Variants in CEP104 observed in about 807,000 individuals in gnomAD.
CEP104 encodes centrosomal protein 104.
CEP104 carries 84 observed loss-of-function variants against 113.3 expected under a neutral mutation model. That is an observed-to-expected ratio of 0.74 (90% CI 0.62 to 0.89). CEP104 has a LOEUF of 0.89. CEP104 is among the 40% of genes least tolerant of loss of function. CEP104 has a pLI of 0.00. For missense variants in CEP104, 1,053 were observed against 1,156.6 expected (o/e 0.91, Z 1.30); for synonymous variants, 378 against 421.7 (o/e 0.90, Z 1.27).
At chr1:3,828,369 G>A (rs529021912) in intron 15 of CEP104, among the ~76,000 whole-genome samples, 11 of 152,230 alleles carry the variant, frequency 7.2e-5, no homozygotes, top group Admixed American at 5.9e-4. Flanking sequence ...GCCTCCTTCC[G>A]CCTCCTGTGT....
In CEP104 at chr1:3,836,468, G is replaced by GTT. The variant is rs36051675; in HGVS notation, c.1317+25_1317+26dup. On this transcript the variant is annotated intron_variant, in intron 10 of 21. Transcript: ENST00000378230. ...AGACTAGCCTCCCCTCTGCCACCCCGTTTTTTTTTTTTTTTTTTTTTTTTA... is the reference window on the plus strand; with the variant it reads ...AGACTAGCCTCCCCTCTGCCACCCCGTTTTTTTTTTTTTTTTTTTTTTTTTTA... 103,795 of 971,514 alleles carry GTT rather than the reference G, an allele frequency of 0.11. 831 individuals are homozygous for GTT. The highest frequency in any genetic ancestry group is 0.13 in the African/African-American group (5,166 of 39,700). 60.2% of individuals were successfully genotyped at this position (971,514 alleles called of 1,614,324 possible). A position where few individuals can be genotyped will look rare whatever the true frequency, so the allele number is the denominator to read the frequency against.
chr1:3,836,523 G>T lies in CEP104; in HGVS notation c.1289C>A (p.Ser430Tyr). Residue 430 changes from serine to tyrosine, a missense_variant, in exon 10 of 22, where the codon TCT (serine) becomes TAT (tyrosine). By Grantham distance (144) the Ser-to-Tyr change is moderately radical (BLOSUM62 -2). Transcript: ENST00000378230. Reference sequence around the variant, plus strand: ...GGTTTCTCCCAACACATCGATGGCAGAGCTGGCTTCTCTCAAGGCCTTCTC... The same window carrying T: ...GGTTTCTCCCAACACATCGATGGCATAGCTGGCTTCTCTCAAGGCCTTCTC... ...LTEKALREAS[S>Y]AIDVLGETLV... 6.5e-7 allele frequency: 1 copy of T among 1,533,478 alleles called. No homozygotes were observed. Among genetic ancestry groups the T allele is most frequent in the Non-Finnish European group, 8.8e-7 (1 of 1,134,336 alleles). 95.0% of individuals were successfully genotyped at this position (1,533,478 alleles called of 1,614,324 possible).
intron 1 of CEP104, among the ~76,000 whole-genome samples, chr1:3,854,437 T>C (rs1467324762): frequency 6.6e-6 from 1 of 152,082 alleles, no homozygotes; most frequent in Non-Finnish European, 1.5e-5. Flanking sequence ...GTTAATACCC[T>C]TCAGCTCTGA....
Position 3,826,695 on chromosome 1 carries a change from A to G in CEP104, c.2188+13T>C, listed in dbSNP as rs1644098754. 2.5e-6 allele frequency: 4 copies of G among 1,613,944 alleles called. No individual in the cohort carries two copies. Among genetic ancestry groups the G allele is most frequent in the Non-Finnish European group, 3.4e-6 (4 of 1,179,876 alleles). ...ACACCCCAGTTCTTTGTGCACCCCA[A>G]TTCTTTACATACCCTGATTCTTTGG... On this transcript the variant is annotated intron_variant, in intron 16 of 21. Transcript: ENST00000378230.
intron 3 of CEP104, 60 bp from the exon 4 acceptor site, chr1:3,847,673 T>C: frequency 6.4e-7 from 1 of 1,564,962 alleles, no homozygotes; most frequent in Non-Finnish European, 8.8e-7. Context: ...AACTGCTCCC[T>C]ACTCTGATTG....
intron 18 of CEP104, among the ~76,000 whole-genome samples, chr1:3,824,348 A>G (rs1644042445): frequency 6.6e-6 from 1 of 152,112 alleles, no homozygotes; most frequent in Non-Finnish European, 1.5e-5. Flanking sequence ...AGCCTCCCCA[A>G]GTGCTAGGAT....
At chr1:3,842,971 A>G (rs962604894) in intron 6 of CEP104, 2 of 363,840 alleles carry the variant, frequency 5.5e-6, no homozygotes, top group Non-Finnish European at 1.0e-5. Flanking sequence ...TGTTTTTATT[A>G]GAGAAGGAGT....
At chr1:3,843,433 G>A in intron 6 of CEP104, 1 of 487,830 alleles carries the variant, frequency 2.0e-6, no homozygotes, top group Non-Finnish European at 3.6e-6. Context: ...CTGGAATACA[G>A]TGGCATGATC....
At chr1:3,834,317 A>G (rs1644270851) in intron 11 of CEP104, among the ~76,000 whole-genome samples, 1 of 151,482 alleles carries the variant, frequency 6.6e-6, no homozygotes, top group Non-Finnish European at 1.5e-5. Flanking sequence ...TCTTCCCTTC[A>G]TACCGAGTAT....
At chr1:3,825,231 C>T (rs556939100) in intron 18 of CEP104, among the ~76,000 whole-genome samples, 22 of 152,264 alleles carry the variant, frequency 1.4e-4, no homozygotes, top group Admixed American at 3.3e-4. Context: ...TCCTGGGCAG[C>T]CCCACTGAGC....
rs1644266807 is a variant in CEP104 at position 3,834,136 on chromosome 1, A to C, written c.1486-101T>G. 4 of 980,652 alleles carry C rather than the reference A, an allele frequency of 4.1e-6. No homozygotes were observed. The South Asian group carries it at 6.2e-5, about 15-fold the overall frequency. The allele number at this position is 980,652 out of a possible 1,614,324, so 60.7% of individuals were successfully genotyped here. On this transcript the variant is annotated intron_variant, in intron 11 of 21. Coordinates refer to ENST00000378230, the MANE Select transcript of CEP104 (RefSeq NM_014704.4). Reference sequence around the variant, plus strand: ...AGTAACACATACGAACATTATATCGAAAATGACATCTCGTCTGAAAGGCTG... The same window carrying C: ...AGTAACACATACGAACATTATATCGCAAATGACATCTCGTCTGAAAGGCTG...
Position 3,838,965 on chromosome 1 carries a change from A to C in CEP104, c.890T>G (p.Leu297Arg). 6.2e-7 allele frequency: 1 copy of C among 1,614,066 alleles called. No homozygotes were observed. Among genetic ancestry groups the C allele is most frequent in the African/African-American group, 1.3e-5 (1 of 75,034 alleles). The stretch of plus-strand genomic sequence containing the variant: ...CTCCGTCTGGGCTCCTGCACCCACC[A>C]GCTCGGCATCCAGGAGGCTGTGCAG... ...LELHSLLDAELMRRPFDLPLQ... is the reference protein window; with the variant it reads ...LELHSLLDAERMRRPFDLPLQ... Residue 297 changes from leucine to arginine, a missense_variant and splice_region_variant, in exon 8 of 22, where the codon CTG becomes CGG. By Grantham distance (102) the Leu-to-Arg change is moderately radical. Coordinates refer to ENST00000378230, the MANE Select transcript of CEP104 (RefSeq NM_014704.4).
intron 15 of CEP104, among the ~76,000 whole-genome samples, chr1:3,827,562 T>C (rs78933805): frequency 0.025 from 3,858 of 152,248 alleles, 76 homozygotes; most frequent in East Asian, 0.1. Context: ...AATATGTAAA[T>C]TCTGAAAGTT....
intron 1 of CEP104, 66 bp downstream of exon 1, chr1:3,856,816 GCCCGCGC>G (rs56262042): frequency 0.32 from 48,929 of 150,866 alleles, 8,800 homozygotes; most frequent in African/African-American, 0.49. Flanking sequence ...CCCCCGCGGC[GCCCGCGC>G]CCCGCGCCCC....
chr1:3,818,851 A>T (rs1017093311), intron 20 of CEP104, among the ~76,000 whole-genome samples: 7 of 152,196 alleles, frequency 4.6e-5, no homozygotes, highest in Non-Finnish European at 7.3e-5. Context: ...AAGGTTCTTC[A>T]TTTTAATCTA....
In CEP104 at chr1:3,825,080, G is replaced by A. The variant is rs147231347; in HGVS notation, c.2364+678C>T. 4.3e-4 allele frequency among the ~76,000 whole-genome samples: 19 copies of A among 44,576 alleles called. 1 individual carries two copies. In the East Asian group the frequency reaches 0.014, roughly 32 times the overall value. 29.2% of individuals were successfully genotyped at this position (44,576 alleles called of 152,430 possible). ...GGGGCAGTGGCACTGTGGGAAGGGA[G>A]CAGTGGCACTGTGGGAAGGGGGGCA... On this transcript the variant is annotated intron_variant, in intron 18 of 21. Transcript: ENST00000378230.
chr1:3,815,196 C>T lies in CEP104; in HGVS notation c.*206G>A. 1 of 577,642 alleles carries T rather than the reference C, an allele frequency of 1.7e-6. No homozygotes were observed. The highest frequency in any genetic ancestry group is 2.0e-5 in the South Asian group (1 of 50,346). 35.8% of individuals were successfully genotyped at this position (577,642 alleles called of 1,614,324 possible). Reference sequence around the variant, plus strand: ...AATGTACAGTGCGGCCAGGTCCTGGCACTGCACGCAGGATCTTTGGTTAGC... The same window carrying T: ...AATGTACAGTGCGGCCAGGTCCTGGTACTGCACGCAGGATCTTTGGTTAGC... On this transcript the variant is annotated 3_prime_UTR_variant, in exon 22 of 22. Transcript: ENST00000378230.
At chr1:3,824,021 G>C (rs991608322) in intron 18 of CEP104, among the ~76,000 whole-genome samples, 1 of 152,202 alleles carries the variant, frequency 6.6e-6, no homozygotes, top group African/African-American at 2.4e-5. Context: ...TATAACTTCA[G>C]GCCGCAGGAC....
At chr1:3,850,691 G>A (rs1644593905) in intron 2 of CEP104, among the ~76,000 whole-genome samples, 1 of 152,174 alleles carries the variant, frequency 6.6e-6, no homozygotes. Context: ...TCTGCGATGT[G>A]CCTGACCTCA....
Sources: allele counts gnomAD v4.1 joint callset (sites outside exome capture counted in the v4.1 genomes callset), GRCh38; gene constraint gnomAD v4.1.1; transcripts MANE v1.5; gene names NCBI Gene and HGNC (gene_info 2026-07-23, HGNC 2026-07-21).